The following ANO7 variants were observed in gnomAD, a reference collection of about 807,000 sequenced individuals.
The protein encoded by ANO7 is anoctamin 7.
ANO7 carries 114 observed loss-of-function variants against 115.8 expected under a neutral mutation model. The ratio of observed to expected loss-of-function variants is 0.98; its 90% CI spans 0.85 to 1.15. The LOEUF is 1.15. ANO7 is among the 50% of genes most tolerant of loss of function. The pLI is 0.00. For missense variants in ANO7, 1,302 were observed against 1,201.2 expected (o/e 1.08, Z -1.24); for synonymous variants, 550 against 498.2 (o/e 1.10, Z -1.38).
In ANO7 at chr2:241,199,403, C is replaced by T. The variant is rs757249002; in HGVS notation, c.397C>T (p.Arg133Cys). 60 of 1,613,688 alleles carry T rather than the reference C, an allele frequency of 3.7e-5. No homozygotes were observed. In the South Asian group the frequency reaches 4.9e-4, roughly 13 times the overall value. The change falls in exon 5 of 25, where the codon CGC becomes TGC. Residue 133 changes from arginine to cysteine, a missense_variant. By Grantham distance (180) the Arg-to-Cys change is radical. Transcript: ENST00000674324. ...GCTCTGCTACTACGCCGAAGACCTG[C>T]GCCTGAAGCTGCCCTTGCAGGTACG... ...AVLCYYAEDL[R>C]LKLPLQELPN...
At chr2:241,210,230 G>T in intron 13 of ANO7, 65 bp from the exon 14 acceptor site, 1 of 1,520,348 alleles carries the variant, frequency 6.6e-7, no homozygotes, top group Non-Finnish European at 9.1e-7. Context: ...CGGGGGCCAT[G>T]GCCTGAGGGT....
intron 21 of ANO7, among the ~76,000 whole-genome samples, chr2:241,222,746 G>A (rs1460054173): frequency 2.6e-5 from 4 of 152,156 alleles, no homozygotes; most frequent in East Asian, 3.8e-4. Context: ...GCTGAATGTA[G>A]CTTATGATAG....
At chr2:241,214,677 T>TC in intron 17 of ANO7, 128 bp from the exon 18 acceptor site, 2 of 769,200 alleles carry the variant, frequency 2.6e-6, no homozygotes, top group Non-Finnish European at 2.1e-6. Flanking sequence ...TCTGCAACCC[T>TC]CCAGGTGCCC....
chr2:241,207,680 GA>G lies in ANO7; in HGVS notation c.1077+11del. On this transcript the variant is annotated intron_variant, in intron 11 of 24. Coordinates refer to ENST00000674324, the MANE Select transcript of ANO7 (RefSeq NM_001370694.2). ...CTGTGCCCTGGCCCAGGTACGAGAAGAGGTGGGTGGGGTAAGGGATTTGAGA... is the reference window on the plus strand; with the variant it reads ...CTGTGCCCTGGCCCAGGTACGAGAAGGGTGGGTGGGGTAAGGGATTTGAGA... 6.2e-7 allele frequency: 1 copy of G among 1,612,984 alleles called. No individual in the cohort carries two copies. Among genetic ancestry groups the G allele is most frequent in the Non-Finnish European group, 8.5e-7 (1 of 1,179,720 alleles).
chr2:241,231,214 G>A, the ANO7 span: 14 of 351,854 alleles, frequency 4.0e-5, no homozygotes, highest in South Asian at 2.1e-4. Flanking sequence ...GAGAAACCCC[G>A]CCTCTACTAA....
chr2:241,190,448 C>G (rs1244779565), intron 2 of ANO7, among the ~76,000 whole-genome samples: 2 of 152,206 alleles, frequency 1.3e-5, no homozygotes, highest in African/African-American at 4.8e-5. Context: ...CAGGCAAAGG[C>G]AAGACCAGGG....
the ANO7 span, among the ~76,000 whole-genome samples, chr2:241,239,351 C>A: frequency 6.6e-6 from 1 of 152,076 alleles, no homozygotes; most frequent in Non-Finnish European, 1.5e-5. This position sits in a 1 kb window ranked among gnomAD's most constrained non-coding sequence, Gnocchi z 4.6. Flanking sequence ...CTCTCTCTCC[C>A]CTCTCCTCTT....
At chr2:241,226,370 T>G (rs915227865), downstream of ANO7, among the ~76,000 whole-genome samples, 3 of 152,070 alleles carry the variant, frequency 2.0e-5, no homozygotes, top group African/African-American at 7.2e-5. Context: ...TGTGCTTTGC[T>G]GTGGGTTGCA....
chr2:241,237,949 G>A, the ANO7 span, among the ~76,000 whole-genome samples: 1 of 152,230 alleles, frequency 6.6e-6, no homozygotes, highest in Non-Finnish European at 1.5e-5. Flanking sequence ...CTTCCTGGAT[G>A]CCCAGAGAGA....
downstream of ANO7, chr2:241,230,234 G>C (rs1343850448): frequency 1.2e-6 from 2 of 1,610,804 alleles, no homozygotes; most frequent in African/African-American, 2.7e-5. This position sits in a 1 kb window ranked among gnomAD's most constrained non-coding sequence, Gnocchi z 5.0. Flanking sequence ...CGCAGTTGGG[G>C]TCTGGGGCTC....
At chr2:241,195,256 T>C (rs972216657) in intron 3 of ANO7, among the ~76,000 whole-genome samples, 2 of 152,188 alleles carry the variant, frequency 1.3e-5, no homozygotes, top group Non-Finnish European at 2.9e-5. Context: ...TCCTCTTATC[T>C]GGAGCGCCTG....
At chr2:241,222,124 C>T (rs2069036196) in intron 21 of ANO7, among the ~76,000 whole-genome samples, 1 of 151,988 alleles carries the variant, frequency 6.6e-6, no homozygotes, top group Admixed American at 6.6e-5. Context: ...GTCCCAGCTA[C>T]TCAGGAGGCT....
chr2:241,218,822 C>T (rs1243843187), intron 21 of ANO7, among the ~76,000 whole-genome samples: 1 of 152,134 alleles, frequency 6.6e-6, no homozygotes, highest in African/African-American at 2.4e-5. Context: ...ATCAAGTAAG[C>T]GTGAGGAACG....
At chr2:241,195,081 G>A (rs1040611886) in intron 3 of ANO7, among the ~76,000 whole-genome samples, 22 of 152,158 alleles carry the variant, frequency 1.4e-4, no homozygotes, top group Non-Finnish European at 2.8e-4. Flanking sequence ...TCACAGACCC[G>A]GTGGCTCCGT....
chr2:241,199,457 G>A (rs2068418218), intron 5 of ANO7, 34 bp downstream of exon 5: 1 of 1,604,430 alleles, frequency 6.2e-7, no homozygotes, highest in South Asian at 1.1e-5. Flanking sequence ...GGTGGGCCTG[G>A]AGGTCCCGGT....
rs1180819318 is a variant in ANO7, at chr2:241,211,450, C to CA, written c.1562-644_1562-643insA. Among the ~76,000 whole-genome samples, 4 of 152,254 alleles carry CA rather than the reference C, an allele frequency of 2.6e-5. No individual in the cohort carries two copies. In the East Asian group the frequency reaches 7.7e-4, roughly 29 times the overall value. ...GGGGGTGAATAGTCTTGAACAAAAGCTGGCAGCCCCACCCTGGAGCCCAGG... is the reference window on the plus strand; with the variant it reads ...GGGGGTGAATAGTCTTGAACAAAAGCATGGCAGCCCCACCCTGGAGCCCAGG... On this transcript the variant is annotated intron_variant, in intron 15 of 24. Coordinates refer to ENST00000674324, the MANE Select transcript of ANO7 (RefSeq NM_001370694.2).
chr2:241,229,264 AG>A, downstream of ANO7: 1 of 281,462 alleles, frequency 3.6e-6, no homozygotes, highest in Non-Finnish European at 6.9e-6. Context: ...TGACACAGGA[AG>A]TGGAATCCTA....
At chr2:241,210,164 C>A in intron 13 of ANO7, 131 bp from the exon 14 acceptor site, 2 of 841,812 alleles carry the variant, frequency 2.4e-6, no homozygotes, top group Non-Finnish European at 3.9e-6. Flanking sequence ...GGGCTGGAGG[C>A]AGGGGCCTTC....
chr2:241,203,154 G>T lies in ANO7; in HGVS notation c.724-179G>T, dbSNP rs533855666. Among the ~76,000 whole-genome samples, 3 of 152,096 alleles carry T rather than the reference G, an allele frequency of 2.0e-5. No individual in the cohort carries two copies. The highest frequency in any genetic ancestry group is 7.2e-5 in the African/African-American group (3 of 41,402). The stretch of plus-strand genomic sequence containing the variant: ...TCACCACATATGTCCCCTCCTCAGA[G>T]AGGTCCTCCCGGACCACCCTGTACC... On this transcript the variant is annotated intron_variant, in intron 8 of 24. Transcript: ENST00000674324. This position sits in a 1 kb window ranked among gnomAD's most constrained non-coding sequence, Gnocchi z 4.8.
Sources: allele counts gnomAD v4.1 joint callset (sites outside exome capture counted in the v4.1 genomes callset), GRCh38; gene constraint gnomAD v4.1.1; non-coding constraint Gnocchi (gnomAD v3.1); transcripts MANE v1.5; gene names NCBI Gene and HGNC (gene_info 2026-07-23, HGNC 2026-07-21).